KHDRBS3: variants seen among roughly 807,000 people sequenced by gnomAD.
The protein encoded by KHDRBS3 is KH RNA binding domain containing, signal transduction associated 3, also known as KH domain-containing, RNA-binding, signal transduction-associated protein 3.
Under a neutral mutation model 45.6 loss-of-function variants are expected in KHDRBS3, and 23 were observed. The ratio of observed to expected loss-of-function variants is 0.50; its 90% CI spans 0.36 to 0.72. The LOEUF is 0.72. KHDRBS3 is among the 30% of genes least tolerant of loss of function. The pLI, the probability that KHDRBS3 is intolerant of heterozygous loss-of-function variation, is 0.00. For missense variants in KHDRBS3, 352 were observed against 424.8 expected (o/e 0.83, Z 1.51); for synonymous variants, 162 against 156.5 (o/e 1.04, Z -0.26).
chr8:135,578,548 G>T lies in KHDRBS3; in HGVS notation c.612-3330G>T, dbSNP rs1828054881. On this transcript the variant is annotated intron_variant, in intron 5 of 8. Transcript: ENST00000355849. The stretch of plus-strand genomic sequence containing the variant: ...CAGTTGACTGTATTTCTGAGGGTCA[G>T]TTTCTGGGCTCTGTATTTTGTTCCA... 2.0e-5 allele frequency among the ~76,000 whole-genome samples: 3 copies of T among 151,974 alleles called. No individual in the cohort carries two copies. The South Asian group carries it at 6.2e-4, about 32-fold the overall frequency.
intron 1 of KHDRBS3, among the ~76,000 whole-genome samples, chr8:135,473,862 C>T (rs199605947): frequency 6.6e-6 from 1 of 152,128 alleles, no homozygotes; most frequent in East Asian, 1.9e-4. Flanking sequence ...TGAAGGAAGC[C>T]CCACCTTCTA....
chr8:135,628,631 T>C (rs1465906374), intron 7 of KHDRBS3, among the ~76,000 whole-genome samples: 1 of 152,246 alleles, frequency 6.6e-6, no homozygotes, highest in Non-Finnish European at 1.5e-5. Flanking sequence ...CTCATGTGAC[T>C]GTGACCTCAT....
At chr8:135,511,533 G>GT (rs1248851856) in intron 1 of KHDRBS3, among the ~76,000 whole-genome samples, 3 of 150,734 alleles carry the variant, frequency 2.0e-5, no homozygotes, top group Admixed American at 6.6e-5. Flanking sequence ...TATTTGCTCT[G>GT]TTTTTTTGTT....
chr8:135,538,965 T>C lies in KHDRBS3; in HGVS notation c.208-3689T>C, dbSNP rs537999013. The C allele has an allele frequency of 9.2e-5, 14 of 152,320 alleles. No homozygotes were observed. The South Asian group carries it at 2.9e-3, about 32-fold the overall frequency. 9.4% of individuals were successfully genotyped at this position (152,320 alleles called of 1,614,324 possible). ...AAAACAACAACAAAAAAAACCTACC[T>C]TAGGGTGTCCTATAGAATGCATGGA... On this transcript the variant is annotated intron_variant, in intron 2 of 8. Transcript: ENST00000355849.
intron 5 of KHDRBS3, among the ~76,000 whole-genome samples, chr8:135,572,218 T>C (rs1827734564): frequency 6.6e-6 from 1 of 152,138 alleles, no homozygotes; most frequent in African/African-American, 2.4e-5. Context: ...AAAATCAGAA[T>C]TGGAAGACAG....
At chr8:135,625,602 C>T in intron 7 of KHDRBS3, 1 of 950,858 alleles carries the variant, frequency 1.1e-6, no homozygotes, top group East Asian at 2.4e-5. Context: ...TGTCTGGCAG[C>T]CACAGGGTCA....
intron 5 of KHDRBS3, among the ~76,000 whole-genome samples, chr8:135,578,417 G>T (rs1472560452): frequency 2.0e-5 from 3 of 150,812 alleles, no homozygotes; most frequent in East Asian, 2.0e-4. Context: ...CTGTGTCTAG[G>T]TGTCTACTTT....
At chr8:135,618,310 G>A (rs1325218544) in intron 7 of KHDRBS3, among the ~76,000 whole-genome samples, 3 of 152,160 alleles carry the variant, frequency 2.0e-5, no homozygotes, top group Non-Finnish European at 2.9e-5. Flanking sequence ...GAGGTTAGGT[G>A]ATAAATTCAG....
intron 7 of KHDRBS3, among the ~76,000 whole-genome samples, chr8:135,622,934 G>T (rs993051351): frequency 1.3e-5 from 2 of 152,164 alleles, no homozygotes; most frequent in Admixed American, 6.5e-5. Context: ...TTTCATTTGC[G>T]GCAGCCTTCC....
At chr8:135,470,575 C>CTTTTT (rs397962210) in intron 1 of KHDRBS3, among the ~76,000 whole-genome samples, 1 of 141,888 alleles carries the variant, frequency 7.0e-6, no homozygotes, top group African/African-American at 2.6e-5. Flanking sequence ...GGTTTTGCTG[C>CTTTTT]TTTTTTTTTT....
intron 5 of KHDRBS3, among the ~76,000 whole-genome samples, chr8:135,559,930 A>G (rs1395201762): frequency 1.3e-5 from 2 of 152,158 alleles, no homozygotes; most frequent in Non-Finnish European, 2.9e-5. Context: ...TAAAAAGAGA[A>G]ACAGTCCAGG....
At chr8:135,636,172 G>A (rs1023912136) in intron 7 of KHDRBS3, among the ~76,000 whole-genome samples, 8 of 152,256 alleles carry the variant, frequency 5.3e-5, no homozygotes, top group African/African-American at 1.9e-4. Context: ...CAGCTAGTTG[G>A]CCTCACAATG....
chr8:135,473,988 G>A (rs1822144883), intron 1 of KHDRBS3, among the ~76,000 whole-genome samples: 1 of 152,190 alleles, frequency 6.6e-6, no homozygotes, highest in African/African-American at 2.4e-5. Context: ...GATCCTTGTT[G>A]TCCTCTAGAG....
At chr8:135,535,248 A>G (rs1172361998) in intron 2 of KHDRBS3, among the ~76,000 whole-genome samples, 1 of 144,568 alleles carries the variant, frequency 6.9e-6, no homozygotes, top group African/African-American at 2.5e-5. Context: ...ATATAGTTAA[A>G]CTATATATAA....
At chr8:135,548,701 C>T in intron 3 of KHDRBS3, 53 bp from the exon 4 acceptor site, 3 of 1,298,290 alleles carry the variant, frequency 2.3e-6, no homozygotes, top group Non-Finnish European at 3.1e-6. Flanking sequence ...ATTTATCTTT[C>T]ATTTCTTATA....
intron 5 of KHDRBS3, among the ~76,000 whole-genome samples, chr8:135,574,474 T>C (rs1410960763): frequency 6.6e-6 from 1 of 152,166 alleles, no homozygotes; most frequent in Non-Finnish European, 1.5e-5. Context: ...TAACCAACAA[T>C]GTCAATGATC....
At chr8:135,555,970 G>C (rs1415148089) in intron 4 of KHDRBS3, among the ~76,000 whole-genome samples, 1 of 152,118 alleles carries the variant, frequency 6.6e-6, no homozygotes, top group Non-Finnish European at 1.5e-5. Flanking sequence ...CCACTTATGA[G>C]TGAGAACGTG....
intron 6 of KHDRBS3, among the ~76,000 whole-genome samples, chr8:135,585,421 CTTAAA>C (rs1333529834): frequency 2.0e-5 from 3 of 152,048 alleles, no homozygotes; most frequent in African/African-American, 7.2e-5. Flanking sequence ...ACTAGAACAT[CTTAAA>C]TTAGATTCTA....
At chr8:135,482,412 C>G (rs1822627021) in intron 1 of KHDRBS3, among the ~76,000 whole-genome samples, 1 of 151,876 alleles carries the variant, frequency 6.6e-6, no homozygotes, top group Non-Finnish European at 1.5e-5. Context: ...CTTTTTTAAG[C>G]CTTAGTACGT....
Sources: allele counts gnomAD v4.1 joint callset (sites outside exome capture counted in the v4.1 genomes callset), GRCh38; gene constraint gnomAD v4.1.1; transcripts MANE v1.5; gene names NCBI Gene and HGNC (gene_info 2026-07-23, HGNC 2026-07-21).